PRKAG2: variants seen among roughly 807,000 people sequenced by gnomAD.
The protein encoded by PRKAG2 is 5'-AMP-activated protein kinase subunit gamma-2.
PRKAG2 carries 26 observed loss-of-function variants against 69.6 expected under a neutral mutation model. The observed-to-expected ratio is 0.37, with a 90% CI of 0.27 to 0.52. The LOEUF (loss-of-function observed/expected upper bound fraction) is 0.52. PRKAG2 is among the 20% of genes least tolerant of loss of function. The probability of loss-of-function intolerance (pLI) is 0.90; values close to 1 mark genes in which losing one functional copy is unlikely to be tolerated. For synonymous variants in PRKAG2, 293 were observed against 285.0 expected (o/e 1.03, Z -0.28); for missense variants, 557 against 740.0 (o/e 0.75, Z 2.87).
At chr7:151,676,705 C>T (rs1833000753) in intron 3 of PRKAG2, among the ~76,000 whole-genome samples, 2 of 152,136 alleles carry the variant, frequency 1.3e-5, no homozygotes, top group East Asian at 1.9e-4. Context: ...AATCATGGCA[C>T]AGTGCACAGG....
At position 151,809,147 on chromosome 7, in the gene PRKAG2, C is replaced by G. The variant is rs982878072; in HGVS notation, c.115-22606G>C. ...CTGGCTCCCAGCCAGGTTTGGCCAT[C>G]CTGCGTAAATGCCTGCCTTGGGTCT... On this transcript the variant is annotated intron_variant, in intron 1 of 15. Transcript: ENST00000287878. The G allele has an allele frequency of 2.3e-5, 10 of 431,756 alleles. No individual in the cohort carries two copies. The East Asian group carries it at 7.1e-4, about 31-fold the overall frequency. The allele number at this position is 431,756 out of a possible 1,614,324, so 26.7% of individuals were successfully genotyped here. A position where few individuals can be genotyped will look rare whatever the true frequency, so the allele number is the denominator to read the frequency against.
At chr7:151,562,294 G>A (rs1014161803) in intron 14 of PRKAG2, among the ~76,000 whole-genome samples, 15 of 144,274 alleles carry the variant, frequency 1.0e-4, no homozygotes, top group Admixed American at 4.3e-4. Context: ...CCTGGGCCAC[G>A]GCAGCTCTGT....
intron 3 of PRKAG2, among the ~76,000 whole-genome samples, chr7:151,745,966 G>C (rs965487437): frequency 6.6e-6 from 1 of 152,204 alleles, no homozygotes; most frequent in Non-Finnish European, 1.5e-5. Flanking sequence ...GCTCCGTGGC[G>C]CAGAAGCTGA....
At chr7:151,657,404 T>G (rs111929932) in intron 4 of PRKAG2, among the ~76,000 whole-genome samples, 10 of 152,298 alleles carry the variant, frequency 6.6e-5, no homozygotes, top group African/African-American at 2.4e-4. Context: ...ATGTCCACTG[T>G]GTGCCTGGTA....
intron 4 of PRKAG2, among the ~76,000 whole-genome samples, chr7:151,635,851 A>G (rs972067894): frequency 6.6e-6 from 1 of 151,136 alleles, no homozygotes; most frequent in East Asian, 1.9e-4. Flanking sequence ...AATTCTGTGG[A>G]GGAAATGACA....
At chr7:151,758,343 A>T (rs527939772) in intron 3 of PRKAG2, among the ~76,000 whole-genome samples, 16 of 152,370 alleles carry the variant, frequency 1.1e-4, no homozygotes, top group Admixed American at 4.6e-4. Flanking sequence ...CTGGGAAGAC[A>T]GTCGCTTCCA....
chr7:151,564,028 G>A lies in PRKAG2; in HGVS notation c.1584+50C>T, dbSNP rs189959222. On this transcript the variant is annotated intron_variant, in intron 14 of 15. Coordinates refer to ENST00000287878, the MANE Select transcript of PRKAG2 (RefSeq NM_016203.4). ...TCCAGAGGCATCATTCACTACTGGG[G>A]ACTTGTTGCAGTGGACGTCGGGGGA... The A allele has an allele frequency of 1.1e-3, 1,754 of 1,612,054 alleles. 3 individuals are homozygous for A. The highest frequency in any genetic ancestry group is 1.3e-3 in the Non-Finnish European group (1,474 of 1,178,986).
chr7:151,570,298 C>A (rs540628824), intron 9 of PRKAG2, 73 bp from the exon 10 acceptor site: 2 of 1,495,800 alleles, frequency 1.3e-6, no homozygotes, highest in Non-Finnish European at 1.8e-6. Context: ...AATTCAAATA[C>A]CCTTCAGTTT....
chr7:151,626,161 AC>A (rs1822851196), intron 5 of PRKAG2, among the ~76,000 whole-genome samples: 1 of 152,170 alleles, frequency 6.6e-6, no homozygotes, highest in African/African-American at 2.4e-5. Context: ...GGTTCCAGTT[AC>A]TTGCGAAGAC....
intron 3 of PRKAG2, among the ~76,000 whole-genome samples, chr7:151,703,842 GAA>G (rs1302051914): frequency 2.0e-5 from 2 of 99,008 alleles, no homozygotes; most frequent in Admixed American, 1.1e-4. Context: ...GTCTTTACTG[GAA>G]AACACACACA....
intron 3 of PRKAG2, among the ~76,000 whole-genome samples, chr7:151,730,637 T>C (rs1304160796): frequency 6.6e-6 from 1 of 151,000 alleles, no homozygotes; most frequent in Non-Finnish European, 1.5e-5. Context: ...CCAGAGGCAG[T>C]GTGAGGACTA....
chr7:151,690,437 C>A (rs1835488299), intron 3 of PRKAG2, among the ~76,000 whole-genome samples: 1 of 152,178 alleles, frequency 6.6e-6, no homozygotes, highest in African/African-American at 2.4e-5. Flanking sequence ...CTACACATTG[C>A]TCTTCCCCGA....
chr7:151,744,214 A>T (rs2074112992), intron 3 of PRKAG2, among the ~76,000 whole-genome samples: 1 of 152,120 alleles, frequency 6.6e-6, no homozygotes, highest in Non-Finnish European at 1.5e-5. Flanking sequence ...AAACCCTTTA[A>T]TTGCTGGAGG....
chr7:151,654,968 C>T (rs760623082), intron 4 of PRKAG2, among the ~76,000 whole-genome samples: 2 of 152,216 alleles, frequency 1.3e-5, no homozygotes, highest in Non-Finnish European at 2.9e-5. Flanking sequence ...GCTGGGATTA[C>T]AGACATGAGC....
In PRKAG2 at chr7:151,780,528, C is replaced by A. The variant is rs997139618; in HGVS notation, c.466+624G>T. On this transcript the variant is annotated intron_variant, in intron 3 of 15. Coordinates refer to ENST00000287878, the MANE Select transcript of PRKAG2 (RefSeq NM_016203.4). The surrounding 1 kb of genome is among the most constrained non-coding windows in gnomAD (Gnocchi z 4.2). ...GTGGTATATTTCATATTATCATCGA[C>A]GGCGCTCAAATGAAAATACCTTATC... is the stretch of plus-strand genomic sequence containing the variant. 6.6e-6 allele frequency among the ~76,000 whole-genome samples: 1 copy of A among 152,198 alleles called. No homozygotes were observed. The highest frequency in any genetic ancestry group is 1.9e-4 in the East Asian group (1 of 5,196).
intron 13 of PRKAG2, among the ~76,000 whole-genome samples, chr7:151,564,572 C>T (rs1805799426): frequency 6.6e-6 from 1 of 152,190 alleles, no homozygotes; most frequent in Admixed American, 6.5e-5. Context: ...GGGCTGACAT[C>T]TGTAAAGGGT....
intron 14 of PRKAG2, 74 bp downstream of exon 14, chr7:151,564,003 TC>T: frequency 6.2e-7 from 1 of 1,602,268 alleles, no homozygotes; most frequent in Non-Finnish European, 8.5e-7. Flanking sequence ...GATTCAGGCT[TC>T]CAGAGGCATC....
At chr7:151,648,912 T>G (rs1828001674) in intron 4 of PRKAG2, among the ~76,000 whole-genome samples, 1 of 151,236 alleles carries the variant, frequency 6.6e-6, no homozygotes, top group African/African-American at 2.4e-5. Flanking sequence ...GGATTTTTTT[T>G]TTTTCCTTTT....
intron 5 of PRKAG2, among the ~76,000 whole-genome samples, chr7:151,603,892 T>C (rs1231698376): frequency 6.6e-6 from 1 of 152,182 alleles, no homozygotes; most frequent in Admixed American, 6.5e-5. Flanking sequence ...AGGAGAGTTA[T>C]TTATTTATCT....
Sources: gnomAD v4.1 joint callset for allele counts (sites outside exome capture counted in the v4.1 genomes callset) on GRCh38, gnomAD v4.1.1 for gene constraint, Gnocchi (gnomAD v3.1) non-coding constraint, MANE v1.5 for transcripts, NCBI Gene and HGNC (gene_info 2026-07-23, HGNC 2026-07-21) for gene names.